Variants in GIP observed in about 807,000 individuals in gnomAD.
GIP encodes the protein glucose-dependent insulinotropic polypeptide.
Under a neutral mutation model 18.1 loss-of-function variants are expected in GIP, and 16 were observed. That is an observed-to-expected ratio of 0.88 (90% CI 0.60 to 1.34). GIP has a LOEUF of 1.34. Ranked by LOEUF, GIP falls within the 40% of genes most tolerant of loss-of-function variation. The pLI is 0.00. For missense variants in GIP, 192 were observed against 183.4 expected (o/e 1.05, Z -0.27); for synonymous variants, 76 against 74.0 (o/e 1.03, Z -0.14).
intron 2 of GIP, 104 bp downstream of exon 2, chr17:48,967,043 A>C: frequency 1.2e-6 from 1 of 838,918 alleles, no homozygotes; most frequent in Admixed American, 2.0e-5. Flanking sequence ...CCTACCTCTT[A>C]GCCTGGATTC....
chr17:48,964,515 G>C lies in GIP; in HGVS notation c.87-35C>G, dbSNP rs764575796. 5.7e-6 allele frequency: 9 copies of C among 1,582,520 alleles called. No individual in the cohort carries two copies. The South Asian group carries it at 7.8e-5, about 14-fold the overall frequency. On this transcript the variant is annotated intron_variant, in intron 2 of 5. Transcript: ENST00000357424. ...AGGGTGCGGAGAAGGGGCAGAGATG[G>C]GGGGAGAATCACAATGCTAGGGTAA... is the stretch of plus-strand genomic sequence containing the variant.
chr17:48,958,727 TG>T lies in GIP; in HGVS notation c.453-12del. ...CAGAGTCACCGAGACCTGGGGAGAG[TG>T]GGGAAAGGAGAAGAAGGTTGTTATG... On this transcript the variant is annotated splice_polypyrimidine_tract_variant and intron_variant, in intron 5 of 5. Transcript: ENST00000357424. 1 of 1,574,180 alleles carries T rather than the reference TG, an allele frequency of 6.4e-7. No homozygotes were observed. The highest frequency in any genetic ancestry group is 8.6e-7 in the Non-Finnish European group (1 of 1,160,094).
chr17:48,964,411 G>T lies in GIP; in HGVS notation c.156C>A (p.Tyr52Ter). The T allele has an allele frequency of 6.2e-7, 1 of 1,613,802 alleles. No individual in the cohort carries two copies. Among genetic ancestry groups the T allele is most frequent in the Non-Finnish European group, 8.5e-7 (1 of 1,179,748 alleles). Residue 52 changes from tyrosine (Y) to a stop codon, truncating the protein, a stop_gained, in exon 3 of 6, where the codon TAC (tyrosine) becomes TAA (stop). Coordinates refer to ENST00000357424, the MANE Select transcript of GIP (RefSeq NM_004123.3). LOFTEE classifies it high-confidence loss of function. ...VSSPQPRGPR[Y>*]AEGTFISDYS... ...AGTCACTGATGAAAGTCCCTTCCGC[G>T]TACCTGGGGCCTCGAGGTTGAGGGC...
At chr17:48,967,550 G>A (rs1235544035) in intron 1 of GIP, among the ~76,000 whole-genome samples, 1 of 151,396 alleles carries the variant, frequency 6.6e-6, no homozygotes, top group Non-Finnish European at 1.5e-5. Flanking sequence ...AGTAGAGACA[G>A]GGTTTCACCA....
intron 2 of GIP, among the ~76,000 whole-genome samples, chr17:48,964,915 G>A (rs950592117): frequency 6.6e-6 from 1 of 151,972 alleles, no homozygotes; most frequent in Non-Finnish European, 1.5e-5. Context: ...TGAGGCGGGC[G>A]GATTACAAGG....
chr17:48,965,523 T>C (rs2041231590), intron 2 of GIP, among the ~76,000 whole-genome samples: 1 of 141,384 alleles, frequency 7.1e-6, no homozygotes. Context: ...GAGAATGGCG[T>C]GAACCCAGGA....
Sources: allele counts gnomAD v4.1 joint callset (sites outside exome capture counted in the v4.1 genomes callset), GRCh38; gene constraint gnomAD v4.1.1; transcripts MANE v1.5; gene names NCBI Gene and HGNC (gene_info 2026-07-23, HGNC 2026-07-21).